Variants in CCDC66 observed in about 807,000 individuals in gnomAD.
CCDC66 encodes the protein coiled-coil domain containing 66, also known as coiled-coil domain-containing protein 66.
In CCDC66, 133 loss-of-function variants were observed where a neutral mutation model predicts 128.3. The ratio of observed to expected loss-of-function variants is 1.04; its 90% CI spans 0.90 to 1.20. The LOEUF (loss-of-function observed/expected upper bound fraction) is 1.20, where lower values mean the gene tolerates loss of function less well. CCDC66 is among the 50% of genes most tolerant of loss of function. The pLI is 0.00. For synonymous variants in CCDC66, 387 were observed against 357.0 expected, an observed-to-expected ratio of 1.08 and a Z score of -0.95; for missense variants, 1,126 against 1,075.5, an observed-to-expected ratio of 1.05 and a Z score of -0.66.
rs539088990 is a variant in CCDC66, at chr3:56,583,522, A to G, written c.937-9448A>G. ...GACTCTTAGGGAGCATGCTGCCTTC[A>G]AGCATCTGTTTAACAAAGCACGTCT... is the stretch of plus-strand genomic sequence containing the variant. On this transcript the variant is annotated intron_variant, in intron 7 of 17. Transcript: ENST00000394672. 6.6e-5 allele frequency among the ~76,000 whole-genome samples: 10 copies of G among 151,986 alleles called. No individual in the cohort carries two copies. The South Asian group carries it at 2.1e-3, about 32-fold the overall frequency.
chr3:56,577,778 A>G (rs2067634740), intron 7 of CCDC66, among the ~76,000 whole-genome samples: 3 of 151,720 alleles, frequency 2.0e-5, no homozygotes, highest in Admixed American at 1.3e-4. Flanking sequence ...AGTTGTCTAT[A>G]TATCTGTTTT....
intron 10 of CCDC66, among the ~76,000 whole-genome samples, chr3:56,605,049 G>A (rs1274434139): frequency 2.0e-5 from 3 of 151,538 alleles, no homozygotes; most frequent in Admixed American, 6.6e-5. Context: ...CCTTTCTTAC[G>A]CTTAATCAGT....
chr3:56,600,444 G>A (rs897825487), intron 10 of CCDC66, among the ~76,000 whole-genome samples: 1 of 151,706 alleles, frequency 6.6e-6, no homozygotes, highest in Non-Finnish European at 1.5e-5. Flanking sequence ...ACCGCGCCCG[G>A]CTGCATGTAT....
At chr3:56,594,160 C>G (rs1165738678) in intron 10 of CCDC66, 132 bp downstream of exon 10, 3 of 748,650 alleles carry the variant, frequency 4.0e-6, no homozygotes, top group Non-Finnish European at 6.8e-6. Flanking sequence ...TGTCACGAAT[C>G]CAATCCCTAC....
intron 4 of CCDC66, among the ~76,000 whole-genome samples, chr3:56,566,272 G>A (rs1322042128): frequency 2.0e-5 from 3 of 151,990 alleles, no homozygotes; most frequent in Non-Finnish European, 2.9e-5. Context: ...CTACAGGCAC[G>A]TGCCACCACA....
chr3:56,566,996 A>G lies in CCDC66; in HGVS notation c.757A>G (p.Arg253Gly). Residue 253 changes from arginine to glycine, a missense_variant, in exon 6 of 18, where the codon AGG becomes GGG. Coordinates refer to ENST00000394672, the MANE Select transcript of CCDC66 (RefSeq NM_001141947.3). ...TGATATATTCAGTACTCTGGGGGAA[A>G]GGGAATGTGATAGAAGTTCGTTGGA... Reference protein sequence around the residue: ...PADIFSTLGERECDRSSLEAK... With the variant: ...PADIFSTLGEGECDRSSLEAK... 2 of 1,614,182 alleles carry G rather than the reference A, an allele frequency of 1.2e-6. No homozygotes were observed. The highest frequency in any genetic ancestry group is 1.7e-6 in the Non-Finnish European group (2 of 1,180,002).
At chr3:56,557,276 AAGCT>A in intron 1 of CCDC66, 23 bp downstream of exon 1, 3 of 1,550,694 alleles carry the variant, frequency 1.9e-6, no homozygotes, top group Non-Finnish European at 1.7e-6. Context: ...AAGCTGGGGT[AAGCT>A]GGGGTAAGCA....
Position 56,584,785 on chromosome 3 carries a change from A to G in CCDC66, c.937-8185A>G, listed in dbSNP as rs949563913. 6.6e-5 allele frequency among the ~76,000 whole-genome samples: 10 copies of G among 151,788 alleles called. No homozygotes were observed. The South Asian group carries it at 8.3e-4, about 13-fold the overall frequency. On this transcript the variant is annotated intron_variant, in intron 7 of 17. Coordinates refer to ENST00000394672, the MANE Select transcript of CCDC66 (RefSeq NM_001141947.3). ...TAGCTAGCCGAGATCACTCCACTGCACTCCAGCCTGGGCAACATTGAGCAC... is the reference window on the plus strand; with the variant it reads ...TAGCTAGCCGAGATCACTCCACTGCGCTCCAGCCTGGGCAACATTGAGCAC...
At chr3:56,568,080 C>A (rs752437924) in intron 6 of CCDC66, among the ~76,000 whole-genome samples, 1 of 152,096 alleles carries the variant, frequency 6.6e-6, no homozygotes, top group Admixed American at 6.5e-5. Flanking sequence ...TTAAAGGTGT[C>A]AGACTCGGTT....
intron 7 of CCDC66, among the ~76,000 whole-genome samples, chr3:56,575,199 T>C (rs1185762152): frequency 2.0e-5 from 3 of 151,868 alleles, no homozygotes; most frequent in Non-Finnish European, 2.9e-5. Context: ...AGCTGTACCA[T>C]GTATATTTCC....
chr3:56,570,395 C>T (rs983518052), intron 6 of CCDC66: 3 of 152,156 alleles, frequency 2.0e-5, no homozygotes, highest in Admixed American at 1.3e-4. Flanking sequence ...GTGCCAAGCC[C>T]TATATTGAGA....
chr3:56,594,787 C>G (rs2071576223), intron 10 of CCDC66, among the ~76,000 whole-genome samples: 1 of 152,150 alleles, frequency 6.6e-6, no homozygotes, highest in African/African-American at 2.4e-5. Flanking sequence ...ACTTTAATAT[C>G]TGCATAATTC....
At chr3:56,584,899 G>A (rs751457374) in intron 7 of CCDC66, among the ~76,000 whole-genome samples, 54 of 151,916 alleles carry the variant, frequency 3.6e-4, no homozygotes, top group Non-Finnish European at 6.6e-4. Context: ...AGACCAGCCC[G>A]GCCAGCATAG....
chr3:56,595,837 C>T (rs1430333380), intron 10 of CCDC66, among the ~76,000 whole-genome samples: 1 of 152,214 alleles, frequency 6.6e-6, no homozygotes, highest in Non-Finnish European at 1.5e-5. Flanking sequence ...TATTTACATT[C>T]CCACTAACAA....
intron 10 of CCDC66, 139 bp downstream of exon 10, chr3:56,594,167 C>G (rs571189309): frequency 2.6e-5 from 19 of 725,776 alleles, no homozygotes; most frequent in African/African-American, 2.5e-4. Context: ...AATCCAATCC[C>G]TACCACAACT....
chr3:56,600,753 A>G (rs1473925125), intron 10 of CCDC66, among the ~76,000 whole-genome samples: 1 of 151,960 alleles, frequency 6.6e-6, no homozygotes, highest in Non-Finnish European at 1.5e-5. Flanking sequence ...TTTTCTCCAT[A>G]TGTTTGTTGG....
At chr3:56,587,570 C>G (rs1185884937) in intron 7 of CCDC66, among the ~76,000 whole-genome samples, 1 of 152,068 alleles carries the variant, frequency 6.6e-6, no homozygotes, top group Non-Finnish European at 1.5e-5. Flanking sequence ...GTGGAGATTC[C>G]TTAAAGAACT....
At chr3:56,596,138 C>T (rs282523) in intron 10 of CCDC66, among the ~76,000 whole-genome samples, 58,097 of 151,998 alleles carry the variant, frequency 0.38, 13,699 homozygotes, top group Non-Finnish European at 0.54. Flanking sequence ...AGACTGGTTT[C>T]GAGCTCCTTG....
intron 7 of CCDC66, 80 bp downstream of exon 7, chr3:56,571,382 A>AG: frequency 8.9e-7 from 1 of 1,127,952 alleles, no homozygotes; most frequent in African/African-American, 1.7e-5. Flanking sequence ...TTATTAAAAA[A>AG]AAAAAGTTTT....
Sources: gnomAD v4.1 joint callset for allele counts (sites outside exome capture counted in the v4.1 genomes callset) on GRCh38, gnomAD v4.1.1 for gene constraint, MANE v1.5 for transcripts, NCBI Gene and HGNC (gene_info 2026-07-23, HGNC 2026-07-21) for gene names.